C10orf90: variants seen among roughly 807,000 people sequenced by gnomAD.
C10orf90 encodes the protein (E2-independent) E3 ubiquitin-conjugating enzyme FATS.
A neutral mutation model predicts 62.5 loss-of-function variants in C10orf90; 56 were observed. That is an observed-to-expected ratio of 0.90 (90% CI 0.72 to 1.12). C10orf90 has a LOEUF of 1.12. Ranked by LOEUF, C10orf90 falls within the 50% of genes most tolerant of loss-of-function variation. The pLI is 0.00. For missense variants in C10orf90, 970 were observed against 880.4 expected (o/e 1.10, Z -1.29); for synonymous variants, 386 against 340.4 (o/e 1.13, Z -1.47).
rs1859773288 is a variant in C10orf90, at chr10:126,459,046, G to C, written c.2182C>G (p.Leu728Val). 6.2e-7 allele frequency: 1 copy of C among 1,612,100 alleles called. No individual in the cohort carries two copies. The highest frequency in any genetic ancestry group is 1.1e-5 in the South Asian group (1 of 90,956). Residue 728 changes from leucine to valine, a missense_variant, in exon 7 of 10, where the codon CTG becomes GTG. Leu to Val is a conservative substitution (Grantham distance 32). Transcript: ENST00000488181. ...SKKQFTIPHPLSDNLFKPKER... is the reference protein window; with the variant it reads ...SKKQFTIPHPVSDNLFKPKER... ...CAAGCCACCTGCAGCTTACCACTCA[G>C]AGGATGGGGAATCGTGAACTGCTTC... is the stretch of plus-strand genomic sequence containing the variant.
intron 2 of C10orf90, among the ~76,000 whole-genome samples, chr10:126,527,100 T>C (rs1328097456): frequency 7.9e-5 from 3 of 37,952 alleles, no homozygotes; most frequent in African/African-American, 3.6e-4. Flanking sequence ...CCGTGTCGTA[T>C]GATCACACCA....
At chr10:126,477,271 C>G in intron 4 of C10orf90, among the ~76,000 whole-genome samples, 1 of 150,816 alleles carries the variant, frequency 6.6e-6, no homozygotes, top group East Asian at 1.9e-4. Flanking sequence ...CAGACCTTCT[C>G]CCCATTTTTG....
At chr10:126,484,218 C>T (rs1379053406) in intron 4 of C10orf90, among the ~76,000 whole-genome samples, 1 of 151,722 alleles carries the variant, frequency 6.6e-6, no homozygotes. Flanking sequence ...ATGAATACGC[C>T]AATTCCCTCT....
At chr10:126,483,751 A>T (rs77945924) in intron 4 of C10orf90, among the ~76,000 whole-genome samples, 120 of 152,354 alleles carry the variant, frequency 7.9e-4, no homozygotes, top group African/African-American at 2.8e-3. Flanking sequence ...CAGAGGCCCC[A>T]GAGTGAGGCC....
chr10:126,535,090 T>C (rs1299971360), intron 2 of C10orf90, among the ~76,000 whole-genome samples: 2 of 152,132 alleles, frequency 1.3e-5, no homozygotes, highest in Non-Finnish European at 2.9e-5. Context: ...GTATTCACAA[T>C]GTAAACCCCT....
At chr10:126,512,390 GTGTGTGTGTGTGTC>G (rs1564847140) in intron 3 of C10orf90, among the ~76,000 whole-genome samples, 11 of 13,742 alleles carry the variant, frequency 8.0e-4, no homozygotes, top group South Asian at 5.6e-3. Flanking sequence ...GTGTGTCTGT[GTGTGTGTGTGTGTC>G]TGTGTGTCTG....
At chr10:126,556,482 T>G (rs2133982837) in intron 2 of C10orf90, among the ~76,000 whole-genome samples, 2 of 152,308 alleles carry the variant, frequency 1.3e-5, no homozygotes, top group African/African-American at 4.8e-5. Context: ...TTTCCTTCAT[T>G]GCTTATTTTG....
intron 2 of C10orf90, among the ~76,000 whole-genome samples, chr10:126,565,358 T>TA (rs1162324489): frequency 1.1e-4 from 9 of 78,914 alleles, no homozygotes; most frequent in African/African-American, 3.7e-4. Context: ...TAATATATAA[T>TA]ATATATTATT....
At chr10:126,547,095 C>T (rs924654797) in intron 2 of C10orf90, among the ~76,000 whole-genome samples, 8 of 151,792 alleles carry the variant, frequency 5.3e-5, no homozygotes, top group African/African-American at 1.2e-4. Context: ...GGCAACAGAG[C>T]GAGACTCCGT....
At position 126,611,499 on chromosome 10, in the gene C10orf90, T is replaced by G. The variant is rs150474116; in HGVS notation, c.313+35066A>C. On this transcript the variant is annotated intron_variant, in intron 2 of 9. Coordinates refer to ENST00000488181, the MANE Select transcript of C10orf90 (RefSeq NM_001350921.2). ...GTTTTATGTGAACATATGTTTTTGT[T>G]TCTCTTGGATGGAGTTGCCAGGTCA... 5.5e-4 allele frequency among the ~76,000 whole-genome samples: 84 copies of G among 152,366 alleles called. No individual in the cohort carries two copies. In the East Asian group the frequency reaches 0.014, roughly 26 times the overall value.
intron 1 of C10orf90, among the ~76,000 whole-genome samples, chr10:126,648,934 C>T (rs1298914937): frequency 3.9e-5 from 6 of 152,042 alleles, no homozygotes; most frequent in Admixed American, 6.6e-5. Context: ...TGATGCACCA[C>T]GTAGTTGTTA....
intron 2 of C10orf90, among the ~76,000 whole-genome samples, chr10:126,623,677 A>G (rs575597821): frequency 6.6e-6 from 1 of 152,006 alleles, no homozygotes; most frequent in African/African-American, 2.4e-5. Context: ...TCCCATCTCT[A>G]TTAAAAATAC....
At chr10:126,562,981 G>A (rs1864937323) in intron 2 of C10orf90, among the ~76,000 whole-genome samples, 1 of 152,228 alleles carries the variant, frequency 6.6e-6, no homozygotes, top group Non-Finnish European at 1.5e-5. Context: ...GCTGGGCGGA[G>A]GGACCCACGT....
At chr10:126,496,365 G>A (rs1257524752) in intron 4 of C10orf90, among the ~76,000 whole-genome samples, 3 of 152,198 alleles carry the variant, frequency 2.0e-5, no homozygotes, top group South Asian at 2.1e-4. Flanking sequence ...TCTGGAAACC[G>A]TGTTTATGAT....
intron 4 of C10orf90, 32 bp downstream of exon 4, chr10:126,503,925 G>T (rs746248102): frequency 6.3e-7 from 1 of 1,577,856 alleles, no homozygotes; most frequent in Non-Finnish European, 8.6e-7. Flanking sequence ...ATTTACTCAG[G>T]TCACCCTCCT....
In C10orf90 at chr10:126,635,521, G is replaced by A. The variant is rs138431804; in HGVS notation, c.313+11044C>T. ...GCAGATCAATAAAGAAGCAGGGCCC[G>A]TCTCTGGGTTAAAAAGGACCACCAC... On this transcript the variant is annotated intron_variant, in intron 2 of 9. Coordinates refer to ENST00000488181, the MANE Select transcript of C10orf90 (RefSeq NM_001350921.2). 6.4e-4 allele frequency among the ~76,000 whole-genome samples: 98 copies of A among 152,274 alleles called. No homozygotes were observed. In the East Asian group the frequency reaches 0.015, roughly 23 times the overall value.
At chr10:126,616,568 G>C (rs1336782958) in intron 2 of C10orf90, among the ~76,000 whole-genome samples, 1 of 152,134 alleles carries the variant, frequency 6.6e-6, no homozygotes, top group African/African-American at 2.4e-5. Flanking sequence ...ATGCTGACAC[G>C]GGCACAGAGG....
intron 2 of C10orf90, among the ~76,000 whole-genome samples, chr10:126,561,993 G>A (rs781748750): frequency 5.9e-5 from 9 of 152,200 alleles, no homozygotes; most frequent in African/African-American, 1.9e-4. Context: ...GACATGAAGC[G>A]TTCATTTTGG....
chr10:126,609,758 G>A (rs570520244), intron 2 of C10orf90, among the ~76,000 whole-genome samples: 4 of 152,352 alleles, frequency 2.6e-5, no homozygotes, highest in South Asian at 4.1e-4. Flanking sequence ...GCCAGATGCT[G>A]CACGGGATGC....
Sources: gnomAD v4.1 joint callset for allele counts (sites outside exome capture counted in the v4.1 genomes callset) on GRCh38, gnomAD v4.1.1 for gene constraint, MANE v1.5 for transcripts, NCBI Gene and HGNC (gene_info 2026-07-23, HGNC 2026-07-21) for gene names.